MYBL1: variants seen among roughly 807,000 people sequenced by gnomAD.
MYBL1 encodes the protein MYB proto-oncogene like 1.
Under a neutral mutation model 96.3 loss-of-function variants are expected in MYBL1, and 17 were observed. The observed-to-expected ratio is 0.18, with a 90% CI of 0.12 to 0.26. The LOEUF (loss-of-function observed/expected upper bound fraction) is 0.26, where lower values mean the gene tolerates loss of function less well. Among genes scored for constraint, MYBL1 ranks in the 10% least tolerant of loss-of-function variants. MYBL1 has a pLI of 1.00. For missense variants in MYBL1, 701 were observed against 882.9 expected (o/e 0.79, Z 2.61); for synonymous variants, 282 against 292.7 (o/e 0.96, Z 0.37).
At chr8:66,601,801 TC>T (rs1319035329) in intron 2 of MYBL1, 32 bp from the exon 3 acceptor site, 5 of 1,195,900 alleles carry the variant, frequency 4.2e-6, no homozygotes, top group Admixed American at 2.3e-5. Context: ...TAGAAAGCTT[TC>T]CCCCCGTCCT....
chr8:66,569,865 T>C (rs532592745), intron 12 of MYBL1, among the ~76,000 whole-genome samples: 28 of 152,356 alleles, frequency 1.8e-4, no homozygotes, highest in Admixed American at 4.6e-4. Context: ...CTACAGTTTT[T>C]AGCCTTTTGA....
At chr8:66,581,882 C>A (rs1809226457) in intron 8 of MYBL1, among the ~76,000 whole-genome samples, 1 of 152,108 alleles carries the variant, frequency 6.6e-6, no homozygotes, top group South Asian at 2.1e-4. Flanking sequence ...GAAATAAAGT[C>A]TTTCCCAGAC....
At chr8:66,598,206 T>C (rs1401996822) in intron 4 of MYBL1, among the ~76,000 whole-genome samples, 1 of 152,170 alleles carries the variant, frequency 6.6e-6, no homozygotes, top group Non-Finnish European at 1.5e-5. Flanking sequence ...TTAAACAAGA[T>C]CACACATTTT....
At chr8:66,606,214 T>A (rs993161993) in intron 1 of MYBL1, among the ~76,000 whole-genome samples, 1 of 152,212 alleles carries the variant, frequency 6.6e-6, no homozygotes, top group Non-Finnish European at 1.5e-5. Context: ...AGGGGTTTAG[T>A]TTACTTGTTT....
intron 8 of MYBL1, among the ~76,000 whole-genome samples, chr8:66,582,440 G>A (rs1015256946): frequency 2.0e-5 from 3 of 150,418 alleles, no homozygotes; most frequent in African/African-American, 7.3e-5. Context: ...AAAAGAAGCT[G>A]GGCATGGTAG....
intron 9 of MYBL1, 39 bp downstream of exon 9, chr8:66,580,094 A>G (rs747140786): frequency 6.9e-6 from 10 of 1,441,394 alleles, no homozygotes; most frequent in Non-Finnish European, 9.6e-6. Flanking sequence ...TCATATAACT[A>G]AAATTGAACT....
chr8:66,566,160 T>C lies in MYBL1; in HGVS notation c.2034A>G (p.Lys678=), dbSNP rs1275161109. Residue 678 remains lysine (K), a synonymous_variant, in exon 15 of 16, where the codon AAA becomes AAG. Transcript: ENST00000522677. ...HDNRCNLIPE[K]QDINSTNKTY... ...TTTTGTTGGTTGAATTTATATCTTGTTTTTCAGGAATCAAGTTGCACCTAT... is the reference window on the plus strand; with the variant it reads ...TTTTGTTGGTTGAATTTATATCTTGCTTTTCAGGAATCAAGTTGCACCTAT... 6.5e-7 allele frequency: 1 copy of C among 1,537,478 alleles called. No homozygotes were observed. Among genetic ancestry groups the C allele is most frequent in the Non-Finnish European group, 8.8e-7 (1 of 1,133,360 alleles).
chr8:66,589,856 T>C (rs190664333), intron 8 of MYBL1, among the ~76,000 whole-genome samples: 2 of 152,298 alleles, frequency 1.3e-5, no homozygotes, highest in African/African-American at 4.8e-5. Flanking sequence ...TTGCTCATGG[T>C]TTTTGCAGTT....
rs1477862711 is a variant in MYBL1 at position 66,564,618 on chromosome 8, T to C, written c.*79A>G. On this transcript the variant is annotated 3_prime_UTR_variant, in exon 16 of 16. Coordinates refer to ENST00000522677, the MANE Select transcript of MYBL1 (RefSeq NM_001080416.4). ...ATCTTACAACTTTAAAAACAACTAA[T>C]TGAGAAAAATTTCACTGCAACCTAA... 8.1e-7 allele frequency: 1 copy of C among 1,235,892 alleles called. No homozygotes were observed. The highest frequency in any genetic ancestry group is 1.5e-5 in the African/African-American group (1 of 64,618). The allele number at this position is 1,235,892 out of a possible 1,614,324, so 76.6% of individuals were successfully genotyped here.
At chr8:66,576,575 T>C (rs535301896) in intron 9 of MYBL1, among the ~76,000 whole-genome samples, 200 bp from the exon 10 acceptor site, 24 of 152,276 alleles carry the variant, frequency 1.6e-4, no homozygotes, top group African/African-American at 5.5e-4. Flanking sequence ...TACATAATAG[T>C]TCATCTAATT....
At chr8:66,580,058 C>G in intron 9 of MYBL1, 75 bp downstream of exon 9, 1 of 1,151,368 alleles carries the variant, frequency 8.7e-7, no homozygotes, top group African/African-American at 1.5e-5. Flanking sequence ...TGGTCAATGT[C>G]CAAAACTGAG....
At chr8:66,604,083 C>T (rs1810212181) in intron 1 of MYBL1, among the ~76,000 whole-genome samples, 2 of 151,794 alleles carry the variant, frequency 1.3e-5, no homozygotes, top group Admixed American at 6.6e-5. Context: ...TACTACCACA[C>T]GAACACACAC....
At chr8:66,604,113 C>T (rs996782069) in intron 1 of MYBL1, among the ~76,000 whole-genome samples, 3 of 151,940 alleles carry the variant, frequency 2.0e-5, no homozygotes, top group Non-Finnish European at 4.4e-5. Context: ...TGGAACAGAA[C>T]ATTTAGAAAA....
chr8:66,594,616 G>A (rs1809781078), intron 6 of MYBL1, among the ~76,000 whole-genome samples: 3 of 152,054 alleles, frequency 2.0e-5, no homozygotes, highest in African/African-American at 7.2e-5. Flanking sequence ...GAATGTTTCA[G>A]TTTATGCTGC....
At chr8:66,595,833 T>G in intron 5 of MYBL1, 76 bp from the exon 6 acceptor site, 1 of 932,708 alleles carries the variant, frequency 1.1e-6, no homozygotes, top group Non-Finnish European at 1.5e-6. Flanking sequence ...TTGTACAAAG[T>G]GCTTAAAACA....
chr8:66,591,668 AT>A (rs1484314725), intron 8 of MYBL1, among the ~76,000 whole-genome samples: 1 of 152,100 alleles, frequency 6.6e-6, no homozygotes, highest in Non-Finnish European at 1.5e-5. Flanking sequence ...CATATTCTAA[AT>A]CTAGTAAATA....
In MYBL1 at chr8:66,580,172, G is replaced by A. The variant is rs1360898127; in HGVS notation, c.1062C>T (p.Thr354=). 1 of 1,613,606 alleles carries A rather than the reference G, an allele frequency of 6.2e-7. No individual in the cohort carries two copies. Among genetic ancestry groups the A allele is most frequent in the African/African-American group, 1.3e-5 (1 of 74,910 alleles). Residue 354 remains threonine, a synonymous_variant, in exon 9 of 16, where the codon ACC becomes ACT. Transcript: ENST00000522677. ...CTAGAGTCTCTGCAAATTCTGGGAT[G>A]GTCTGCAAAGAGGATAACACAGCGT... The part of the protein sequence containing the change: ...EANAVLSSLQ[T]IPEFAETLEL...
At chr8:66,610,157 G>A (rs1048329506) in intron 1 of MYBL1, among the ~76,000 whole-genome samples, 24 of 151,936 alleles carry the variant, frequency 1.6e-4, no homozygotes, top group African/African-American at 4.3e-4. Context: ...AATTAATTAC[G>A]TATATATAAA....
At chr8:66,597,246 C>T (rs1417938377) in intron 5 of MYBL1, 84 bp downstream of exon 5, 4 of 969,886 alleles carry the variant, frequency 4.1e-6, no homozygotes, top group Admixed American at 3.4e-5. Flanking sequence ...AATAAGTCAT[C>T]GGGGACTTGC....
Sources: gnomAD v4.1 joint callset for allele counts (sites outside exome capture counted in the v4.1 genomes callset) on GRCh38, gnomAD v4.1.1 for gene constraint, MANE v1.5 for transcripts, NCBI Gene and HGNC (gene_info 2026-07-23, HGNC 2026-07-21) for gene names.